EDIL3: variants seen among roughly 807,000 people sequenced by gnomAD.
The protein encoded by EDIL3 is EGF-like repeat and discoidin I-like domain-containing protein 3.
EDIL3 carries 37 observed loss-of-function variants against 67.4 expected under a neutral mutation model. The ratio of observed to expected loss-of-function variants is 0.55; its 90% CI spans 0.42 to 0.72. The LOEUF (loss-of-function observed/expected upper bound fraction) is 0.72, where lower values mean the gene tolerates loss of function less well. Among genes scored for constraint, EDIL3 ranks in the 30% least tolerant of loss-of-function variants. EDIL3 has a pLI of 0.00. For missense variants in EDIL3, 527 were observed against 586.3 expected, an observed-to-expected ratio of 0.90 and a Z score of 1.04; for synonymous variants, 195 against 196.3, an observed-to-expected ratio of 0.99 and a Z score of 0.05.
At chr5:84,186,134 G>C (rs1743432966) in intron 3 of EDIL3, among the ~76,000 whole-genome samples, 1 of 151,814 alleles carries the variant, frequency 6.6e-6, no homozygotes, top group Non-Finnish European at 1.5e-5. Context: ...TAGAAATCCT[G>C]GAAAAGTTTT....
chr5:84,140,723 A>C (rs1434251129), intron 4 of EDIL3, among the ~76,000 whole-genome samples: 1 of 152,192 alleles, frequency 6.6e-6, no homozygotes, highest in African/African-American at 2.4e-5. Flanking sequence ...TTTAAAACTC[A>C]AAAACTACTT....
intron 1 of EDIL3, among the ~76,000 whole-genome samples, chr5:84,264,195 G>A (rs1745299610): frequency 1.3e-5 from 2 of 152,164 alleles, no homozygotes; most frequent in South Asian, 2.1e-4. Context: ...GCAGCGAGCC[G>A]AGACTGTGCA....
intron 1 of EDIL3, among the ~76,000 whole-genome samples, chr5:84,285,297 G>C (rs1356869291): frequency 6.6e-6 from 1 of 152,122 alleles, no homozygotes; most frequent in Non-Finnish European, 1.5e-5. Flanking sequence ...ACAGAAATAG[G>C]TGTGTATGCA....
At chr5:84,200,402 T>A (rs1333514354) in intron 3 of EDIL3, among the ~76,000 whole-genome samples, 1 of 151,892 alleles carries the variant, frequency 6.6e-6, no homozygotes, top group African/African-American at 2.4e-5. Flanking sequence ...ATAAAAATAA[T>A]TAATATTAAT....
intron 6 of EDIL3, among the ~76,000 whole-genome samples, chr5:84,102,620 CAAAACAAAAA>C (rs969735681): frequency 1.7e-4 from 25 of 148,554 alleles, no homozygotes; most frequent in African/African-American, 5.9e-4. Flanking sequence ...CAAAACAAAA[CAAAACAAAAA>C]AAAAACGAAA....
intron 9 of EDIL3, among the ~76,000 whole-genome samples, chr5:84,003,375 T>C (rs1745363873): frequency 6.6e-6 from 1 of 152,082 alleles, no homozygotes; most frequent in African/African-American, 2.4e-5. Context: ...GCCTGAGCTA[T>C]CCCCAAGGTG....
At chr5:84,313,988 G>C (rs141212663) in intron 1 of EDIL3, among the ~76,000 whole-genome samples, 24 of 152,208 alleles carry the variant, frequency 1.6e-4, no homozygotes, top group African/African-American at 5.1e-4. Flanking sequence ...CTGAAGTCAG[G>C]AGTTTCAGAC....
At chr5:84,082,629 AAAAAT>A (rs771114771) in intron 6 of EDIL3, among the ~76,000 whole-genome samples, 6 of 152,358 alleles carry the variant, frequency 3.9e-5, no homozygotes, top group South Asian at 2.1e-4. Context: ...TTTGCATTTC[AAAAAT>A]AAAATAAAAT....
intron 3 of EDIL3, among the ~76,000 whole-genome samples, chr5:84,186,507 A>G (rs542661651): frequency 2.0e-5 from 3 of 152,074 alleles, no homozygotes; most frequent in Non-Finnish European, 4.4e-5. Context: ...TCATTTTTTA[A>G]GGTAATTTCA....
At chr5:84,375,374 AATAAACC>A (rs1747947899) in intron 1 of EDIL3, among the ~76,000 whole-genome samples, 1 of 152,230 alleles carries the variant, frequency 6.6e-6, no homozygotes, top group Non-Finnish European at 1.5e-5. Context: ...TTTTTAAAAA[AATAAACC>A]ATATTTTGGT....
At chr5:84,201,011 A>T (rs1743820420) in intron 3 of EDIL3, among the ~76,000 whole-genome samples, 1 of 152,112 alleles carries the variant, frequency 6.6e-6, no homozygotes, top group African/African-American at 2.4e-5. Flanking sequence ...AGGGTAAATC[A>T]GATGTTTTAT....
At chr5:84,036,948 G>A (rs1190914229) in intron 9 of EDIL3, among the ~76,000 whole-genome samples, 4 of 152,132 alleles carry the variant, frequency 2.6e-5, no homozygotes, top group Non-Finnish European at 4.4e-5. Flanking sequence ...TGAAGCAGGA[G>A]GCATTTACTG....
At chr5:84,245,695 A>G (rs559294943) in intron 2 of EDIL3, among the ~76,000 whole-genome samples, 2 of 152,196 alleles carry the variant, frequency 1.3e-5, no homozygotes, top group South Asian at 4.1e-4. Context: ...TTGCTTTTCC[A>G]TGAAAGGGAA....
intron 1 of EDIL3, among the ~76,000 whole-genome samples, chr5:84,284,488 C>T (rs1416646262): frequency 6.6e-6 from 1 of 152,062 alleles, no homozygotes; most frequent in Non-Finnish European, 1.5e-5. Context: ...ACTTTATCAC[C>T]AGCACCTAGC....
chr5:84,344,485 C>T (rs1205660079), intron 1 of EDIL3, among the ~76,000 whole-genome samples: 1 of 151,820 alleles, frequency 6.6e-6, no homozygotes. Flanking sequence ...ATTTTAAACA[C>T]GTTACCAACA....
At chr5:84,153,378 C>T (rs1370468638) in intron 4 of EDIL3, among the ~76,000 whole-genome samples, 1 of 152,118 alleles carries the variant, frequency 6.6e-6, no homozygotes. Flanking sequence ...CTCATTGCAA[C>T]CTCCGCCTCC....
chr5:84,313,380 GA>G (rs1746443669), intron 1 of EDIL3, among the ~76,000 whole-genome samples: 2 of 152,152 alleles, frequency 1.3e-5, no homozygotes, highest in African/African-American at 4.8e-5. Flanking sequence ...GATACAGCAA[GA>G]AAAGAGACTA....
intron 3 of EDIL3, among the ~76,000 whole-genome samples, chr5:84,180,857 TGTAAA>T (rs1323680939): frequency 6.6e-6 from 1 of 152,198 alleles, no homozygotes; most frequent in Non-Finnish European, 1.5e-5. Flanking sequence ...GTCTGTCACA[TGTAAA>T]GTACTCAAAA....
chr5:84,161,161 T>C (rs1411950576), intron 4 of EDIL3, among the ~76,000 whole-genome samples: 2 of 152,166 alleles, frequency 1.3e-5, no homozygotes, highest in East Asian at 3.9e-4. Flanking sequence ...CTGTTGTGAA[T>C]GCCATGACTT....
Sources: allele counts gnomAD v4.1 joint callset (sites outside exome capture counted in the v4.1 genomes callset), GRCh38; gene constraint gnomAD v4.1.1; transcripts MANE v1.5; gene names NCBI Gene and HGNC (gene_info 2026-07-23, HGNC 2026-07-21).